Variants in GOSR1 observed in about 807,000 individuals in gnomAD.
GOSR1 encodes the protein 28 kDa Golgi SNARE protein.
In GOSR1, 21 loss-of-function variants were observed where a neutral mutation model predicts 35.5. The observed-to-expected ratio is 0.59, with a 90% CI of 0.42 to 0.85. The LOEUF is 0.85. GOSR1 is among the 40% of genes least tolerant of loss of function. GOSR1 has a pLI of 0.00. For synonymous variants in GOSR1, 94 were observed against 106.6 expected (o/e 0.88, Z 0.73); for missense variants, 285 against 309.6 (o/e 0.92, Z 0.60).
At position 30,522,885 on chromosome 17, in the gene GOSR1, G is replaced by A. The variant is rs12449550; in HGVS notation, c.*507G>A. ...TGCCGAGCCGAAGCTGGACTGTACT[G>A]CTGCCATCTCGGCTCACTGCAACCT... On this transcript the variant is annotated 3_prime_UTR_variant, in exon 9 of 9. Transcript: ENST00000451249. The A allele has an allele frequency of 0.44, 70,439 of 161,120 alleles. 16,209 individuals carry two copies. The highest frequency in any genetic ancestry group is 0.83 in the East Asian group (4,485 of 5,390). 10.0% of individuals were successfully genotyped at this position (161,120 alleles called of 1,614,324 possible). A position where few individuals can be genotyped will look rare whatever the true frequency, so the allele number is the denominator to read the frequency against.
chr17:30,517,135 G>A lies in GOSR1; in HGVS notation c.540-2804G>A, dbSNP rs138696447. 2.5e-3 allele frequency among the ~76,000 whole-genome samples: 377 copies of A among 152,232 alleles called. 1 individual carries two copies. The highest frequency in any genetic ancestry group is 8.7e-3 in the African/African-American group (363 of 41,532). ...GTGTGTGTGTGTAGCTTCAGATGTT[G>A]TTAACATTTCTTAATCACTCAGGTG... is the stretch of plus-strand genomic sequence containing the variant. On this transcript the variant is annotated intron_variant, in intron 7 of 8. Transcript: ENST00000451249.
Position 30,525,565 on chromosome 17 carries a change from G to C in GOSR1, c.*3187G>C, listed in dbSNP as rs776241696. The C allele has an allele frequency of 6.6e-6, 1 of 151,884 alleles. No individual in the cohort carries two copies. Among genetic ancestry groups the C allele is most frequent in the Admixed American group, 6.6e-5 (1 of 15,258 alleles). 9.4% of individuals were successfully genotyped at this position (151,884 alleles called of 1,614,324 possible). ...GTTGTGTCTCGGTTAAAATTTATGG[G>C]ACTTTGCTATGTAGTTGGCATTTAT... On this transcript the variant is annotated 3_prime_UTR_variant, in exon 9 of 9. Coordinates refer to ENST00000451249, the MANE Select transcript of GOSR1 (RefSeq NM_001007025.2).
intron 6 of GOSR1, among the ~76,000 whole-genome samples, chr17:30,493,758 A>G (rs550895634): frequency 6.6e-6 from 1 of 152,342 alleles, no homozygotes; most frequent in South Asian, 2.1e-4. Context: ...GTAGATTGCA[A>G]GCTTTTTCCC....
intron 2 of GOSR1, chr17:30,482,831 A>C (rs1381103220): frequency 6.6e-6 from 1 of 152,230 alleles, no homozygotes; most frequent in East Asian, 1.9e-4. Flanking sequence ...AGAATGAAGA[A>C]TGTTCTTTCT....
intron 7 of GOSR1, among the ~76,000 whole-genome samples, chr17:30,519,346 C>T (rs937784628): frequency 6.6e-6 from 1 of 152,142 alleles, no homozygotes; most frequent in Admixed American, 6.5e-5. Flanking sequence ...CGTGAGCCAC[C>T]ACACCCAGCT....
chr17:30,495,000 C>T (rs916111223), intron 6 of GOSR1, among the ~76,000 whole-genome samples: 2 of 150,166 alleles, frequency 1.3e-5, no homozygotes, highest in African/African-American at 4.9e-5. Flanking sequence ...TTTTTCTGGC[C>T]AACATGGTGA....
chr17:30,510,843 G>A (rs1000752822), intron 6 of GOSR1, 37 bp from the exon 7 acceptor site: 2 of 1,201,826 alleles, frequency 1.7e-6, no homozygotes, highest in Non-Finnish European at 2.5e-6. Flanking sequence ...TGTGCATTTA[G>A]TAAATTCAGA....
intron 6 of GOSR1, among the ~76,000 whole-genome samples, chr17:30,508,417 AAC>A (rs1967485156): frequency 6.6e-6 from 1 of 152,176 alleles, no homozygotes; most frequent in Non-Finnish European, 1.5e-5. Flanking sequence ...CAGTCAGCCA[AAC>A]CATTATATTG....
At chr17:30,509,970 G>A (rs542534158) in intron 6 of GOSR1, among the ~76,000 whole-genome samples, 51 of 152,258 alleles carry the variant, frequency 3.3e-4, no homozygotes, top group African/African-American at 1.1e-3. Flanking sequence ...TAAAGAGAAA[G>A]TTCATTTCTT....
At chr17:30,504,532 C>T (rs1413907129) in intron 6 of GOSR1, among the ~76,000 whole-genome samples, 2 of 152,108 alleles carry the variant, frequency 1.3e-5, no homozygotes, top group African/African-American at 2.4e-5. Context: ...AAGTGGGGGG[C>T]GTAAGTGTTT....
intron 2 of GOSR1, among the ~76,000 whole-genome samples, chr17:30,482,376 A>G (rs1914413659): frequency 6.6e-6 from 1 of 152,172 alleles, no homozygotes; most frequent in Non-Finnish European, 1.5e-5. Flanking sequence ...AATAATTTTG[A>G]TAGCTGACAT....
intron 7 of GOSR1, among the ~76,000 whole-genome samples, chr17:30,512,738 A>G (rs548949906): frequency 6.6e-6 from 1 of 152,254 alleles, no homozygotes; most frequent in Admixed American, 6.5e-5. Context: ...TTTGCCAGGA[A>G]TTCTTTACTT....
chr17:30,481,051 T>G (rs1248313679), intron 1 of GOSR1, 92 bp from the exon 2 acceptor site: 4 of 837,142 alleles, frequency 4.8e-6, no homozygotes, highest in Non-Finnish European at 6.1e-6. Flanking sequence ...CAGTATATGA[T>G]CATTTTCATA....
intron 2 of GOSR1, 124 bp downstream of exon 2, chr17:30,481,381 C>A: frequency 1.7e-6 from 1 of 590,432 alleles, no homozygotes; most frequent in South Asian, 2.8e-5. Flanking sequence ...TTTTGTTTTG[C>A]CATTCATTGT....
chr17:30,496,007 G>C (rs543076281), intron 6 of GOSR1, among the ~76,000 whole-genome samples: 1 of 152,004 alleles, frequency 6.6e-6, no homozygotes, highest in Non-Finnish European at 1.5e-5. Context: ...TCCCCCTCTT[G>C]ACCTTCCTGT....
chr17:30,484,803 C>A, intron 4 of GOSR1, 33 bp downstream of exon 4: 1 of 1,130,864 alleles, frequency 8.8e-7, no homozygotes, highest in Non-Finnish European at 1.4e-6. Context: ...TTTTCATTAT[C>A]ACAGGAGTTT....
chr17:30,519,029 G>T (rs971448899), intron 7 of GOSR1, among the ~76,000 whole-genome samples: 1 of 151,958 alleles, frequency 6.6e-6, no homozygotes, highest in African/African-American at 2.4e-5. Flanking sequence ...AAGAGATTGT[G>T]TTCGACCAAA....
intron 1 of GOSR1, chr17:30,479,696 G>A (rs8079017): frequency 0.43 from 65,973 of 151,988 alleles, 15,103 homozygotes; most frequent in East Asian, 0.83. Context: ...TTTTAATAGA[G>A]ACAGGGTTTC....
At chr17:30,499,110 C>T (rs1223117159) in intron 6 of GOSR1, among the ~76,000 whole-genome samples, 4 of 152,160 alleles carry the variant, frequency 2.6e-5, no homozygotes, top group African/African-American at 9.7e-5. Flanking sequence ...TTCATACAGT[C>T]TGCACTTATT....
Sources: allele counts gnomAD v4.1 joint callset (sites outside exome capture counted in the v4.1 genomes callset), GRCh38; gene constraint gnomAD v4.1.1; transcripts MANE v1.5; gene names NCBI Gene and HGNC (gene_info 2026-07-23, HGNC 2026-07-21).